The following PXN variants were observed in gnomAD, a reference collection of about 807,000 sequenced individuals.
PXN encodes the protein paxillin.
Under a neutral mutation model 103.6 loss-of-function variants are expected in PXN, and 61 were observed. That is an observed-to-expected ratio of 0.59 (90% CI 0.48 to 0.73). The LOEUF is 0.73. Ranked by LOEUF, PXN falls within the 30% of genes least tolerant of loss-of-function variation. The pLI, the probability that PXN is intolerant of heterozygous loss-of-function variation, is 0.00. For missense variants in PXN, 1,274 were observed against 1,460.3 expected (o/e 0.87, Z 2.08); for synonymous variants, 562 against 607.8 (o/e 0.92, Z 1.11).
At chr12:120,249,475 G>C (rs1370484902) in intron 1 of PXN, among the ~76,000 whole-genome samples, 1 of 152,128 alleles carries the variant, frequency 6.6e-6, no homozygotes, top group African/African-American at 2.4e-5. Flanking sequence ...GTGCCCAAAG[G>C]AGCTGCTACC....
intron 1 of PXN, chr12:120,227,062 C>G (rs1887013261): frequency 1.0e-6 from 1 of 986,014 alleles, no homozygotes; most frequent in African/African-American, 1.7e-5. Context: ...CTAACTTCTT[C>G]TAAGTCTCCT....
Position 120,222,487 on chromosome 12 carries a change from C to T in PXN, c.695+62G>A. ...GATACCAGGGCTAAGGGGACAGACA[C>T]TGGACCCGGGGCAGGCTGGGCCAGC... On this transcript the variant is annotated intron_variant, in intron 5 of 14. Transcript: ENST00000637617. This position sits in a 1 kb window ranked among gnomAD's most constrained non-coding sequence, Gnocchi z 4.7. 2 of 1,499,458 alleles carry T rather than the reference C, an allele frequency of 1.3e-6. No homozygotes were observed. Among genetic ancestry groups the T allele is most frequent in the Non-Finnish European group, 1.8e-6 (2 of 1,115,010 alleles). 92.9% of individuals were successfully genotyped at this position (1,499,458 alleles called of 1,614,324 possible). A position where few individuals can be genotyped will look rare whatever the true frequency, so the allele number is the denominator to read the frequency against.
intron 1 of PXN, among the ~76,000 whole-genome samples, chr12:120,240,380 T>C (rs907222787): frequency 1.3e-5 from 2 of 152,112 alleles, no homozygotes; most frequent in Admixed American, 1.3e-4. Flanking sequence ...GCAGAGAAGG[T>C]GCTCTGACAG....
Position 120,224,166 on chromosome 12 carries a change from T to A in PXN, c.225A>T (p.Arg75=). The change falls in exon 2 of 15, where the codon CGA becomes CGT. Residue 75 remains arginine, a synonymous_variant. Transcript: ENST00000637617. This position sits in a 1 kb window ranked among gnomAD's most constrained non-coding sequence, Gnocchi z 5.0. The part of the protein sequence containing the change: ...PLDQWQPSSS[R]FIHQQPQSSS... ...CCCGCCTCACCTGCTGGTGGATGAATCGGGAGCTGCTGGGCTGCCACTGGT... is the reference window on the plus strand; with the variant it reads ...CCCGCCTCACCTGCTGGTGGATGAAACGGGAGCTGCTGGGCTGCCACTGGT... 1 of 1,584,912 alleles carries A rather than the reference T, an allele frequency of 6.3e-7. No homozygotes were observed. Among genetic ancestry groups the A allele is most frequent in the South Asian group, 1.1e-5 (1 of 87,652 alleles).
chr12:120,262,218 T>C (rs568812706), intron 1 of PXN, among the ~76,000 whole-genome samples: 1 of 152,272 alleles, frequency 6.6e-6, no homozygotes, highest in East Asian at 1.9e-4. Context: ...TCAAGACTGC[T>C]GAGAAGCTGA....
chr12:120,250,004 C>A (rs1014040040), intron 1 of PXN: 14 of 985,176 alleles, frequency 1.4e-5, no homozygotes, highest in Non-Finnish European at 1.7e-5. Context: ...GGAGGGCTGC[C>A]AAGTCGTGTC....
At chr12:120,231,869 C>T (rs539949198) in intron 1 of PXN, among the ~76,000 whole-genome samples, 2 of 152,350 alleles carry the variant, frequency 1.3e-5, no homozygotes, top group African/African-American at 4.8e-5. Flanking sequence ...CCATCAGGCT[C>T]CTGGCTGCAG....
rs181707266 is a variant in PXN at position 120,238,325 on chromosome 12, A to C, written c.14-13948T>G. Among the ~76,000 whole-genome samples, 53 of 152,272 alleles carry C rather than the reference A, an allele frequency of 3.5e-4. No homozygotes were observed. The East Asian group carries it at 8.9e-3, about 26-fold the overall frequency. On this transcript the variant is annotated intron_variant, in intron 1 of 14. Transcript: ENST00000637617. ...AAGAAGCCCACTAACTCCAAAGCTGAGGAAGCAGGCCAAGCAGATGCCAAG... is the reference window on the plus strand; with the variant it reads ...AAGAAGCCCACTAACTCCAAAGCTGCGGAAGCAGGCCAAGCAGATGCCAAG...
intron 1 of PXN, among the ~76,000 whole-genome samples, chr12:120,253,222 C>T (rs1289752798): frequency 6.6e-6 from 1 of 152,162 alleles, no homozygotes; most frequent in African/African-American, 2.4e-5. Context: ...CCTGTAATCC[C>T]AGCTCTTTGG....
intron 1 of PXN, among the ~76,000 whole-genome samples, chr12:120,264,554 G>A (rs1459888305): frequency 6.6e-6 from 1 of 152,174 alleles, no homozygotes; most frequent in African/African-American, 2.4e-5. Context: ...CGGCTTCCAG[G>A]AGATACTTTC....
chr12:120,254,533 G>A (rs1360702222), intron 1 of PXN, among the ~76,000 whole-genome samples: 1 of 152,026 alleles, frequency 6.6e-6, no homozygotes, highest in Non-Finnish European at 1.5e-5. Flanking sequence ...ACACAATAAG[G>A]TTTAGTGGTT....
intron 1 of PXN, among the ~76,000 whole-genome samples, chr12:120,235,713 C>T (rs1163516020): frequency 6.6e-6 from 1 of 152,182 alleles, no homozygotes; most frequent in Non-Finnish European, 1.5e-5. Flanking sequence ...TCTTGAGCCA[C>T]AGAGGAGCCC....
chr12:120,221,500 T>C lies in PXN; in HGVS notation c.831+123A>G, dbSNP rs953206992. 1.8e-6 allele frequency: 2 copies of C among 1,093,220 alleles called. No homozygotes were observed. Among genetic ancestry groups the C allele is most frequent in the South Asian group, 3.1e-5 (2 of 64,152 alleles). 67.7% of individuals were successfully genotyped at this position (1,093,220 alleles called of 1,614,324 possible). On this transcript the variant is annotated intron_variant, in intron 6 of 14. Coordinates refer to ENST00000637617, the MANE Select transcript of PXN (RefSeq NM_001385981.1). The surrounding 1 kb of genome is among the most constrained non-coding windows in gnomAD (Gnocchi z 6.6). Reference sequence around the variant, plus strand: ...CAAGGCCAGGGCATGACAGTGTCCCTGGCTCAGGGGCAAGGCACCCAAACA... The same window carrying C: ...CAAGGCCAGGGCATGACAGTGTCCCCGGCTCAGGGGCAAGGCACCCAAACA...
chr12:120,258,849 C>T (rs145730906), intron 1 of PXN, among the ~76,000 whole-genome samples: 5 of 151,774 alleles, frequency 3.3e-5, no homozygotes, highest in Non-Finnish European at 5.9e-5. Flanking sequence ...CACCTGAGGT[C>T]GGGAGTTTGA....
chr12:120,261,228 C>T (rs1476795924), intron 1 of PXN, among the ~76,000 whole-genome samples: 1 of 152,026 alleles, frequency 6.6e-6, no homozygotes, highest in African/African-American at 2.4e-5. Context: ...AAGAAAAGTA[C>T]CCCCTAGGCC....
intron 1 of PXN, among the ~76,000 whole-genome samples, chr12:120,238,519 T>C (rs1226272799): frequency 6.6e-6 from 1 of 152,162 alleles, no homozygotes; most frequent in Non-Finnish European, 1.5e-5. Flanking sequence ...TGGTTTGGAT[T>C]TTATTGCAGG....
chr12:120,247,731 T>C (rs1450525532), intron 1 of PXN: 1 of 153,430 alleles, frequency 6.5e-6, no homozygotes, highest in Non-Finnish European at 1.5e-5. Flanking sequence ...CCGAGATTGC[T>C]AAGCAGATTA....
intron 1 of PXN, among the ~76,000 whole-genome samples, chr12:120,262,906 T>C (rs1467879569): frequency 1.3e-5 from 2 of 152,212 alleles, no homozygotes; most frequent in Non-Finnish European, 2.9e-5. Context: ...GAACACGCTG[T>C]GTTGATATTT....
intron 1 of PXN, among the ~76,000 whole-genome samples, chr12:120,227,975 G>A (rs950224158): frequency 2.0e-5 from 3 of 152,170 alleles, no homozygotes; most frequent in African/African-American, 4.8e-5. Flanking sequence ...CCATCCCAGC[G>A]GGGTCCCCCA....
Sources: gnomAD v4.1 joint callset for allele counts (sites outside exome capture counted in the v4.1 genomes callset) on GRCh38, gnomAD v4.1.1 for gene constraint, Gnocchi (gnomAD v3.1) non-coding constraint, MANE v1.5 for transcripts, NCBI Gene and HGNC (gene_info 2026-07-23, HGNC 2026-07-21) for gene names.